The following PDS5B variants were observed in gnomAD, a reference collection of about 807,000 sequenced individuals.
PDS5B encodes the protein PDS5 cohesin associated factor B.
PDS5B carries 51 observed loss-of-function variants against 184.1 expected under a neutral mutation model. That is an observed-to-expected ratio of 0.28 (90% CI 0.22 to 0.35). The LOEUF (loss-of-function observed/expected upper bound fraction) is 0.35, where lower values mean the gene tolerates loss of function less well. PDS5B is among the 10% of genes least tolerant of loss of function. PDS5B has a pLI of 1.00. For missense variants in PDS5B, 1,180 were observed against 1,723.3 expected (o/e 0.68, Z 5.58); for synonymous variants, 566 against 569.2 (o/e 0.99, Z 0.08).
At chr13:32,617,728 C>G (rs916061055) in intron 1 of PDS5B, among the ~76,000 whole-genome samples, 3 of 152,128 alleles carry the variant, frequency 2.0e-5, no homozygotes, top group Admixed American at 1.3e-4. Context: ...ATTTGTATTC[C>G]TCTTATTACA....
chr13:32,692,104 G>A (rs1228094761), intron 13 of PDS5B, among the ~76,000 whole-genome samples: 1 of 151,974 alleles, frequency 6.6e-6, no homozygotes, highest in East Asian at 1.9e-4. Context: ...CTGCTTGTCA[G>A]GCATGTTCCT....
chr13:32,700,050 A>G (rs1423965968), intron 16 of PDS5B, among the ~76,000 whole-genome samples, 181 bp downstream of exon 16: 1 of 152,166 alleles, frequency 6.6e-6, no homozygotes. Flanking sequence ...GTCCTTCTAA[A>G]ATGAGATATT....
chr13:32,625,938 A>G (rs1256502944), intron 1 of PDS5B, among the ~76,000 whole-genome samples: 1 of 151,542 alleles, frequency 6.6e-6, no homozygotes, highest in Non-Finnish European at 1.5e-5. Context: ...TCCTGGATTC[A>G]AGCGATTCTT....
At chr13:32,724,351 C>T (rs988052403) in intron 19 of PDS5B, among the ~76,000 whole-genome samples, 1 of 152,000 alleles carries the variant, frequency 6.6e-6, no homozygotes, top group African/African-American at 2.4e-5. Flanking sequence ...TTCCTGGGCT[C>T]AAGCCACCCT....
chr13:32,593,253 C>G (rs760640124), intron 1 of PDS5B, among the ~76,000 whole-genome samples: 8 of 152,214 alleles, frequency 5.3e-5, no homozygotes, highest in African/African-American at 1.9e-4. Context: ...GACCCTTGAA[C>G]AGCGAAGGGG....
At chr13:32,678,957 T>G (rs1180525774) in intron 10 of PDS5B, 28 bp downstream of exon 10, 2 of 1,164,660 alleles carry the variant, frequency 1.7e-6, no homozygotes, top group East Asian at 4.7e-5. Flanking sequence ...CAGCAAATAT[T>G]CTTACGTGCT....
intron 1 of PDS5B, among the ~76,000 whole-genome samples, chr13:32,608,488 C>T (rs866648150): frequency 5.9e-5 from 9 of 152,074 alleles, no homozygotes; most frequent in South Asian, 2.1e-4. Flanking sequence ...ATATTTTTAA[C>T]GAATTGTAGG....
intron 1 of PDS5B, among the ~76,000 whole-genome samples, chr13:32,612,586 G>A (rs1444524204): frequency 6.6e-6 from 1 of 152,146 alleles, no homozygotes; most frequent in African/African-American, 2.4e-5. Flanking sequence ...CAAAGTTCAT[G>A]TGTTGGGAAC....
chr13:32,710,616 C>T (rs1159983188), intron 19 of PDS5B, among the ~76,000 whole-genome samples: 3 of 152,164 alleles, frequency 2.0e-5, no homozygotes, highest in African/African-American at 4.8e-5. Flanking sequence ...AATCATAGTT[C>T]AAGATTTTAT....
At chr13:32,735,459 T>G in intron 21 of PDS5B, 129 bp downstream of exon 21, 1 of 625,754 alleles carries the variant, frequency 1.6e-6, no homozygotes, top group Non-Finnish European at 2.6e-6. Flanking sequence ...TTTTCCTGTT[T>G]AAAAAAAATA....
intron 24 of PDS5B, among the ~76,000 whole-genome samples, chr13:32,748,103 T>G (rs1243209326): frequency 6.6e-6 from 1 of 152,218 alleles, no homozygotes; most frequent in Non-Finnish European, 1.5e-5. Flanking sequence ...AAAAATCAGT[T>G]ACTAGCATCT....
chr13:32,767,372 C>T (rs1372321175), intron 31 of PDS5B, among the ~76,000 whole-genome samples: 1 of 152,270 alleles, frequency 6.6e-6, no homozygotes, highest in Middle Eastern at 3.4e-3. Flanking sequence ...AACCTGCTGT[C>T]ACCACTGTTT....
At chr13:32,642,548 T>C (rs1281777178) in intron 1 of PDS5B, among the ~76,000 whole-genome samples, 1 of 152,286 alleles carries the variant, frequency 6.6e-6, no homozygotes, top group East Asian at 1.9e-4. Context: ...CAGTATGTTT[T>C]ACTCATAGGA....
At chr13:32,698,917 T>C (rs1593455102) in intron 15 of PDS5B, among the ~76,000 whole-genome samples, 1 of 152,280 alleles carries the variant, frequency 6.6e-6, no homozygotes, top group Non-Finnish European at 1.5e-5. Context: ...CACGCCAGGC[T>C]AATTTTTGTA....
In PDS5B at chr13:32,701,414, T is replaced by C; in HGVS notation, c.1832T>C (p.Val611Ala). Residue 611 changes from valine to alanine, a missense_variant, in exon 17 of 35, where the codon GTG becomes GCG. This residue lies in a region of PDS5B where 475 missense variants were observed against 691.5 expected (regional missense o/e 0.69). Transcript: ENST00000315596. ...IKFLLERIAP[V>A]HIDTESISAL... Reference sequence around the variant, plus strand: ...TTTCTCTTGGAGAGGATAGCACCTGTGCACATAGATACCGAATCTATCAGG... The same window carrying C: ...TTTCTCTTGGAGAGGATAGCACCTGCGCACATAGATACCGAATCTATCAGG... 6.2e-7 allele frequency: 1 copy of C among 1,603,176 alleles called. No individual in the cohort carries two copies. Among genetic ancestry groups the C allele is most frequent in the Non-Finnish European group, 8.5e-7 (1 of 1,171,226 alleles).
chr13:32,714,556 G>C (rs181675718), intron 19 of PDS5B, among the ~76,000 whole-genome samples: 7 of 152,000 alleles, frequency 4.6e-5, no homozygotes, highest in African/African-American at 9.7e-5. Context: ...AGGCGCACCT[G>C]GGGGGGCTGT....
chr13:32,599,804 A>C (rs1045453936), intron 1 of PDS5B, among the ~76,000 whole-genome samples: 20 of 151,880 alleles, frequency 1.3e-4, no homozygotes, highest in African/African-American at 4.8e-4. Context: ...AGTTCCAGCT[A>C]CTTGGGAAGC....
In PDS5B at chr13:32,658,268, G is replaced by A; in HGVS notation, c.342G>A (p.Leu114=). Residue 114 remains leucine, a synonymous_variant, in exon 4 of 35, where the codon TTG becomes TTA. Coordinates refer to ENST00000315596, the MANE Select transcript of PDS5B (RefSeq NM_015032.4). ...KDIFMFITRQ[L]KGLEDTKSPQ... ...TATTTATGTTTATAACAAGACAGTT[G>A]AAGGGGCTAGAGGATACAAAGAGCC... 1 of 1,507,290 alleles carries A rather than the reference G, an allele frequency of 6.6e-7. No homozygotes were observed. The highest frequency in any genetic ancestry group is 9.2e-7 in the Non-Finnish European group (1 of 1,089,920). The allele number at this position is 1,507,290 out of a possible 1,614,324, so 93.4% of individuals were successfully genotyped here. A position where few individuals can be genotyped will look rare whatever the true frequency, so the allele number is the denominator to read the frequency against.
At chr13:32,714,860 C>T (rs886324074) in intron 19 of PDS5B, among the ~76,000 whole-genome samples, 2 of 152,106 alleles carry the variant, frequency 1.3e-5, no homozygotes, top group Non-Finnish European at 2.9e-5. Context: ...ATACATCCTC[C>T]TCAGCTGACA....
Sources: gnomAD v4.1 joint callset for allele counts (sites outside exome capture counted in the v4.1 genomes callset) on GRCh38, gnomAD v4.1.1 for gene constraint, gnomAD v4.1.1 regional missense constraint, MANE v1.5 for transcripts, NCBI Gene and HGNC (gene_info 2026-07-23, HGNC 2026-07-21) for gene names.